CLCN4: variants seen among roughly 807,000 people sequenced by gnomAD.
CLCN4 encodes Cl-/H+ antiporter 4, also known as H(+)/Cl(-) exchange transporter 4.
CLCN4 carries 1 observed loss-of-function variant against 41.7 expected under a neutral mutation model. That is an observed-to-expected ratio of 0.02 (90% CI 0.01 to 0.11). The LOEUF (loss-of-function observed/expected upper bound fraction) is 0.11, where lower values mean the gene tolerates loss of function less well. Among genes scored for constraint, CLCN4 ranks in the 10% least tolerant of loss-of-function variants. The pLI, the probability that CLCN4 is intolerant of heterozygous loss-of-function variation, is 1.00. For missense variants in CLCN4, 287 were observed against 661.0 expected, an observed-to-expected ratio of 0.43 and a Z score of 6.20; for synonymous variants, 277 against 285.8, an observed-to-expected ratio of 0.97 and a Z score of 0.31.
At chrX:10,183,284 C>T (rs1202299046) in intron 2 of CLCN4, among the ~76,000 whole-genome samples, 6 of 111,734 alleles carry the variant, frequency 5.4e-5, no homozygotes, top group African/African-American at 1.3e-4. Flanking sequence ...TTAAAGCAGC[C>T]GAGTTGCACT....
intron 6 of CLCN4, among the ~76,000 whole-genome samples, chrX:10,198,507 A>G (rs1249853098): frequency 8.9e-6 from 1 of 112,583 alleles, no homozygotes; most frequent in Non-Finnish European, 1.9e-5. Flanking sequence ...TTGCTGTGAA[A>G]GTTCACTGAT....
At chrX:10,209,020 T>C (rs1470735629) in intron 9 of CLCN4, among the ~76,000 whole-genome samples, 2 of 111,628 alleles carry the variant, frequency 1.8e-5, no homozygotes, top group Non-Finnish European at 3.8e-5. Context: ...CAGCTGTATC[T>C]TAGGCATCGT....
rs1286298252 is a variant in CLCN4 at position 10,235,417 on chromosome X, A to G, written c.*1833A>G. The G allele has an allele frequency of 3.6e-5, 4 of 111,958 alleles. No individual in the cohort carries two copies. Among genetic ancestry groups the G allele is most frequent in the African/African-American group, 9.7e-5 (3 of 30,779 alleles). 9.2% of individuals were successfully genotyped at this position (111,958 alleles called of 1,213,427 possible). ...TTACTCTCTGAACGAAATTCATATT[A>G]TCTTATTAAGGAAGAGTGTTGGTCT... On this transcript the variant is annotated 3_prime_UTR_variant, in exon 13 of 13. Transcript: ENST00000380833.
chrX:10,177,497 T>C (rs745584366), intron 2 of CLCN4, among the ~76,000 whole-genome samples: 16 of 111,705 alleles, frequency 1.4e-4, no homozygotes, highest in African/African-American at 5.2e-4. Context: ...AGTGTGAGGG[T>C]TGGGATAGTG....
intron 12 of CLCN4, among the ~76,000 whole-genome samples, chrX:10,231,689 G>A (rs1925130463): frequency 8.9e-6 from 1 of 111,846 alleles, no homozygotes; most frequent in South Asian, 3.7e-4. Flanking sequence ...TCCAACATAG[G>A]TAACGCTATG....
chrX:10,187,522 G>T lies in CLCN4; in HGVS notation c.152G>T (p.Ser51Ile). ...RDTDRHRKIT[S>I]KSKESIWEFI... Reference sequence around the variant, plus strand: ...GTATCTGCTTTGTTCTAGATCACCAGCAAGAGCAAGGAGTCCATATGGGAG... The same window carrying T: ...GTATCTGCTTTGTTCTAGATCACCATCAAGAGCAAGGAGTCCATATGGGAG... The change falls in exon 4 of 13, where the codon AGC becomes ATC. Residue 51 changes from serine (S) to isoleucine (I), a missense_variant. Physicochemically the swap from Ser to Ile is moderately radical, Grantham distance 142. Transcript: ENST00000380833. 1 of 1,204,756 alleles carries T rather than the reference G, an allele frequency of 8.3e-7. No individual in the cohort carries two copies. Among genetic ancestry groups the T allele is most frequent in the Non-Finnish European group, 1.1e-6 (1 of 889,250 alleles).
Position 10,159,217 on chromosome X carries a change from T to G in CLCN4, c.-12+666T>G, listed in dbSNP as rs144956992. On this transcript the variant is annotated intron_variant, in intron 2 of 12. Coordinates refer to ENST00000380833, the MANE Select transcript of CLCN4 (RefSeq NM_001830.4). ...AAAAATAAATTGCAGCTTCCAAAGA[T>G]AACATGTGAGCGTAAGAGACAGCTA... 6.3e-3 allele frequency among the ~76,000 whole-genome samples: 711 copies of G among 112,230 alleles called. 6 individuals are homozygous for G. Among genetic ancestry groups the G allele is most frequent in the African/African-American group, 0.022 (690 of 30,834 alleles).
chrX:10,233,610 A>G lies in CLCN4; in HGVS notation c.*26A>G, dbSNP rs1385825150. ...CAACAAGGTGGCAATTATTTTCAGAAAAACACTGACTGTGTCATTTAAAAA... is the reference window on the plus strand; with the variant it reads ...CAACAAGGTGGCAATTATTTTCAGAGAAACACTGACTGTGTCATTTAAAAA... On this transcript the variant is annotated 3_prime_UTR_variant, in exon 13 of 13. Transcript: ENST00000380833. The G allele has an allele frequency of 9.6e-7, 1 of 1,036,586 alleles. No individual in the cohort carries two copies. The highest frequency in any genetic ancestry group is 1.9e-5 in the South Asian group (1 of 52,924). The allele number at this position is 1,036,586 out of a possible 1,213,427, so 85.4% of individuals were successfully genotyped here.
rs1448984948 is a variant in CLCN4, at chrX:10,185,256, T to A, written c.144+80T>A. 4.9e-5 allele frequency: 50 copies of A among 1,025,429 alleles called. No individual in the cohort carries two copies. In the Middle Eastern group the frequency reaches 1.7e-3, roughly 34 times the overall value. 84.5% of individuals were successfully genotyped at this position (1,025,429 alleles called of 1,213,427 possible). On this transcript the variant is annotated intron_variant, in intron 3 of 12. Coordinates refer to ENST00000380833, the MANE Select transcript of CLCN4 (RefSeq NM_001830.4). ...AAAAGTTACTGAGCTGGGGCTTAGG[T>A]CCACGTACGTGTCATGTGCTGGGTT...
At chrX:10,178,271 G>C (rs897564548) in intron 2 of CLCN4, among the ~76,000 whole-genome samples, 8 of 111,892 alleles carry the variant, frequency 7.1e-5, no homozygotes, top group Non-Finnish European at 1.5e-4. Flanking sequence ...CTTTAAAAGA[G>C]TACATCTTAT....
At chrX:10,182,464 C>G (rs1426043256) in intron 2 of CLCN4, among the ~76,000 whole-genome samples, 2 of 112,404 alleles carry the variant, frequency 1.8e-5, no homozygotes, top group East Asian at 5.6e-4. Context: ...CTCGCTCTGT[C>G]GCGCATGCTG....
At chrX:10,173,474 G>A (rs1334904176) in intron 2 of CLCN4, among the ~76,000 whole-genome samples, 2 of 110,702 alleles carry the variant, frequency 1.8e-5, no homozygotes, top group Non-Finnish European at 3.8e-5. Flanking sequence ...GCGCACCCCG[G>A]GCTGGGAACC....
intron 9 of CLCN4, among the ~76,000 whole-genome samples, chrX:10,210,531 C>A (rs971573627): frequency 2.7e-5 from 3 of 110,981 alleles, no homozygotes; most frequent in African/African-American, 9.8e-5. Context: ...AAAATAGAGA[C>A]CAAGCTCCCT....
intron 9 of CLCN4, among the ~76,000 whole-genome samples, chrX:10,210,292 ATTAC>A (rs1227338274): frequency 1.8e-5 from 2 of 111,596 alleles, no homozygotes; most frequent in Non-Finnish European, 3.8e-5. Flanking sequence ...TAATGCTATC[ATTAC>A]TTACTTAAAG....
At chrX:10,194,148 T>G (rs1924037273) in intron 4 of CLCN4, among the ~76,000 whole-genome samples, 1 of 109,588 alleles carries the variant, frequency 9.1e-6, no homozygotes, top group Admixed American at 9.7e-5. Flanking sequence ...CAGGTGTGGA[T>G]GCTTTTGGTG....
chrX:10,179,826 G>A (rs181487676), intron 2 of CLCN4, among the ~76,000 whole-genome samples: 84 of 112,554 alleles, frequency 7.5e-4, no homozygotes, highest in African/African-American at 2.6e-3. Flanking sequence ...GCACCCTGAG[G>A]CAGGTAGTGC....
chrX:10,194,050 GC>G (rs1474188335), intron 4 of CLCN4, among the ~76,000 whole-genome samples: 1 of 109,617 alleles, frequency 9.1e-6, no homozygotes, highest in East Asian at 2.9e-4. Flanking sequence ...GAAGAACGAG[GC>G]CCCATGGAGG....
At chrX:10,176,744 AT>A (rs1178053621) in intron 2 of CLCN4, among the ~76,000 whole-genome samples, 3 of 112,264 alleles carry the variant, frequency 2.7e-5, no homozygotes, top group African/African-American at 9.7e-5. Context: ...GGATTAGCTA[AT>A]AGAGCAAGTT....
chrX:10,202,638 CAAAAAAAAAAAAAAAA>C (rs759089094), intron 6 of CLCN4, among the ~76,000 whole-genome samples: 3 of 19,641 alleles, frequency 1.5e-4, no homozygotes, highest in African/African-American at 3.2e-4. Context: ...GACCCTGCCT[CAAAAAAAAAAAAAAAA>C]AAAAAAAAAA....
Sources: allele counts gnomAD v4.1 joint callset (sites outside exome capture counted in the v4.1 genomes callset), GRCh38; gene constraint gnomAD v4.1.1; transcripts MANE v1.5; gene names NCBI Gene and HGNC (gene_info 2026-07-23, HGNC 2026-07-21).